The following TUFM variants were observed in gnomAD, a reference collection of about 807,000 sequenced individuals.
TUFM encodes Tu translation elongation factor, mitochondrial.
TUFM carries 23 observed loss-of-function variants against 45.0 expected under a neutral mutation model. That is an observed-to-expected ratio of 0.51 (90% confidence interval 0.37 to 0.72). The LOEUF is 0.72. Ranked by LOEUF, TUFM falls within the 30% of genes least tolerant of loss-of-function variation. The probability of loss-of-function intolerance (pLI) is 0.00; values close to 1 mark genes in which losing one functional copy is unlikely to be tolerated. For missense variants in TUFM, 490 were observed against 610.7 expected (o/e 0.80, Z 2.08); for synonymous variants, 243 against 252.9 (o/e 0.96, Z 0.37).
Position 28,844,174 on chromosome 16 carries a change from G to C in TUFM, c.922+56C>G. The C allele has an allele frequency of 6.2e-7, 1 of 1,613,360 alleles. No individual in the cohort carries two copies. Among genetic ancestry groups the C allele is most frequent in the Middle Eastern group, 1.7e-4 (1 of 6,060 alleles). On this transcript the variant is annotated intron_variant, in intron 7 of 9. Transcript: ENST00000313511. This position sits in a 1 kb window ranked among gnomAD's most constrained non-coding sequence, Gnocchi z 5.8. The stretch of plus-strand genomic sequence containing the variant: ...GACAGAGGGAAGGCACAAGGGATCT[G>C]CCGGGGTAAGGCCACCCTTCAGCCA...
chr16:28,843,094 T>A lies in TUFM; in HGVS notation c.1249A>T (p.Met417Leu), dbSNP rs143510655. 2 of 1,614,074 alleles carry A rather than the reference T, an allele frequency of 1.2e-6. No individual in the cohort carries two copies. Among genetic ancestry groups the A allele is most frequent in the Non-Finnish European group, 1.7e-6 (2 of 1,180,028 alleles). ...LKFNLILRQP[M>L]ILEKGQRFTL... ...AAACGCTGGCCTTTCTCTAAGATCA[T>A]TGGCTGCCGCAAGATTAGGTTGAAC... The change falls in exon 10 of 10, where the codon ATG becomes TTG. Residue 417 changes from methionine (M) to leucine (L), a missense_variant. Met to Leu is a conservative substitution (Grantham distance 15). Coordinates refer to ENST00000313511, the MANE Select transcript of TUFM (RefSeq NM_003321.5).
In TUFM at chr16:28,843,759, G is replaced by T; in HGVS notation, c.1171C>A (p.Arg391=). 6.2e-7 allele frequency: 1 copy of T among 1,613,282 alleles called. No homozygotes were observed. Among genetic ancestry groups the T allele is most frequent in the Non-Finnish European group, 8.5e-7 (1 of 1,179,962 alleles). ...ACCTTCTCTGGGGGCAGGATAATCC[G>T]ACAGGCCATGTCCCAAGTCAGGGAG... The part of the protein sequence containing the change: ...MFSLTWDMAC[R]IILPPEKELA... Residue 391 remains arginine, a synonymous_variant, in exon 9 of 10, where the codon CGG becomes AGG. Transcript: ENST00000313511.
chr16:28,844,157 G>A lies in TUFM; in HGVS notation c.923-56C>T, dbSNP rs149208129. 2.4e-5 allele frequency: 38 copies of A among 1,613,740 alleles called. No individual in the cohort carries two copies. The East Asian group carries it at 3.3e-4, about 14-fold the overall frequency. ...AAGGAAGGCGAATGTGAGACAGAGG[G>A]AAGGCACAAGGGATCTGCCGGGGTA... On this transcript the variant is annotated intron_variant, in intron 7 of 9. Coordinates refer to ENST00000313511, the MANE Select transcript of TUFM (RefSeq NM_003321.5). The surrounding 1 kb of genome is among the most constrained non-coding windows in gnomAD (Gnocchi z 5.8).
chr16:28,842,740 T>A lies in TUFM; in HGVS notation c.*235A>T. 1 of 574,144 alleles carries A rather than the reference T, an allele frequency of 1.7e-6. No individual in the cohort carries two copies. 35.6% of individuals were successfully genotyped at this position (574,144 alleles called of 1,614,324 possible). ...TGTCTGGGGTTCAACACCCTTTTTG[T>A]CCTCCCCTATCCTCTCCAATTTGCA... On this transcript the variant is annotated 3_prime_UTR_variant, in exon 10 of 10. Transcript: ENST00000313511.
chr16:28,843,855 C>T lies in TUFM; in HGVS notation c.1075G>A (p.Val359Ile). 6.2e-7 allele frequency: 1 copy of T among 1,614,108 alleles called. No individual in the cohort carries two copies. The highest frequency in any genetic ancestry group is 8.5e-7 in the Non-Finnish European group (1 of 1,180,032). Reference sequence around the variant, plus strand: ...CCTTCCTCCTTGCTGAGGATGTAAACCTGGAGGAGAGCAAGCAATGACGGT... The same window carrying T: ...CCTTCCTCCTTGCTGAGGATGTAAATCTGGAGGAGAGCAAGCAATGACGGT... ...IKPHQKVEAQVYILSKEEGGR... is the reference protein window; with the variant it reads ...IKPHQKVEAQIYILSKEEGGR... The change falls in exon 9 of 10, where the codon GTT becomes ATT. Residue 359 changes from valine (V) to isoleucine (I), a missense_variant and splice_region_variant. Transcript: ENST00000313511.
In TUFM at chr16:28,846,342, G is replaced by T; in HGVS notation, c.-73C>A. On this transcript the variant is annotated 5_prime_UTR_variant, in exon 1 of 10. Coordinates refer to ENST00000313511, the MANE Select transcript of TUFM (RefSeq NM_003321.5). ...CAGAAGAAGAAGGGCGCCTGCGGCT[G>T]GAAGGCACTTCCGGCGGAAGTTAGA... 2.0e-6 allele frequency: 3 copies of T among 1,507,560 alleles called. No homozygotes were observed. Among genetic ancestry groups the T allele is most frequent in the South Asian group, 2.4e-5 (2 of 82,494 alleles). 93.4% of individuals were successfully genotyped at this position (1,507,560 alleles called of 1,614,324 possible).
At position 28,845,510 on chromosome 16, in the gene TUFM, C is replaced by T. The variant is rs138704329; in HGVS notation, c.248-30G>A. 58 of 1,613,940 alleles carry T rather than the reference C, an allele frequency of 3.6e-5. 1 individual carries two copies. The African/African-American group carries it at 6.8e-4, about 19-fold the overall frequency. On this transcript the variant is annotated intron_variant, in intron 2 of 9. Transcript: ENST00000313511. ...AGGAGGAAAAGAACACACCTCTCAG[C>T]TAAAGTTCCAGTGCTAGAGGCAGAG...
chr16:28,845,879 T>C (rs780935444), intron 2 of TUFM, 33 bp downstream of exon 2: 147 of 1,610,978 alleles, frequency 9.1e-5, no homozygotes, highest in Non-Finnish European at 1.1e-4. Flanking sequence ...CATCAGTAGA[T>C]AGGGCGCTGC....
In TUFM at chr16:28,845,422, C is replaced by T. The variant is rs964518100; in HGVS notation, c.306G>A (p.Pro102=). 8.1e-6 allele frequency: 13 copies of T among 1,614,142 alleles called. No individual in the cohort carries two copies. The highest frequency in any genetic ancestry group is 1.7e-5 in the Admixed American group (1 of 60,004). The change falls in exon 3 of 10, where the codon CCG becomes CCA. Residue 102 remains proline (P), a synonymous_variant. Coordinates refer to ENST00000313511, the MANE Select transcript of TUFM (RefSeq NM_003321.5). ...FKKYEEIDNA[P]EERARGITIN... ...TGGTGATACCCCGAGCTCGCTCCTCCGGGGCATTGTCAATCTCCTCGTACT... is the reference window on the plus strand; with the variant it reads ...TGGTGATACCCCGAGCTCGCTCCTCTGGGGCATTGTCAATCTCCTCGTACT...
chr16:28,845,020 G>A lies in TUFM; in HGVS notation c.450C>T (p.Cys150=), dbSNP rs1961900305. ...MITGTAPLDG[C]ILVVAANDGP... ...CGTCATTGGCTGCTACCACCAGGATGCAGCCGTCGAGGGGTGCAGTGCCTG... is the reference window on the plus strand; with the variant it reads ...CGTCATTGGCTGCTACCACCAGGATACAGCCGTCGAGGGGTGCAGTGCCTG... The change falls in exon 4 of 10, where the codon TGC becomes TGT. Residue 150 remains cysteine, a synonymous_variant. Coordinates refer to ENST00000313511, the MANE Select transcript of TUFM (RefSeq NM_003321.5). 1.9e-6 allele frequency: 3 copies of A among 1,614,086 alleles called. No individual in the cohort carries two copies. Among genetic ancestry groups the A allele is most frequent in the Non-Finnish European group, 2.5e-6 (3 of 1,180,044 alleles).
rs1381636128 is a variant in TUFM at position 28,844,856 on chromosome 16, C to T, written c.526G>A (p.Val176Met). 6.2e-7 allele frequency: 1 copy of T among 1,614,078 alleles called. No individual in the cohort carries two copies. Among genetic ancestry groups the T allele is most frequent in the African/African-American group, 1.3e-5 (1 of 74,924 alleles). ...EHLLLARQIG[V>M]EHVVVYVNKA... ...TTCACATACACCACCACATGCTCCA[C>T]CCCAATCTGTAGATGCCAGAGAGAC... The change falls in exon 5 of 10, where the codon GTG (valine) becomes ATG (methionine). Residue 176 changes from valine (V) to methionine (M), a missense_variant. By Grantham distance (21) the Val-to-Met change is conservative. Coordinates refer to ENST00000313511, the MANE Select transcript of TUFM (RefSeq NM_003321.5). This position sits in a 1 kb window ranked among gnomAD's most constrained non-coding sequence, Gnocchi z 5.8.
chr16:28,844,665 T>G lies in TUFM; in HGVS notation c.684+33A>C. 6.2e-7 allele frequency: 1 copy of G among 1,614,114 alleles called. No individual in the cohort carries two copies. The highest frequency in any genetic ancestry group is 8.5e-7 in the Non-Finnish European group (1 of 1,180,028). On this transcript the variant is annotated intron_variant, in intron 5 of 9. Transcript: ENST00000313511. This position sits in a 1 kb window ranked among gnomAD's most constrained non-coding sequence, Gnocchi z 5.8. ...TGGGTGCCCATCCAGCCCCACCCTC[T>G]GCAGCAGCTGCCCTGCCTGACCCCG...
chr16:28,845,571 C>T (rs948682262), intron 2 of TUFM, 91 bp from the exon 3 acceptor site: 3 of 1,464,386 alleles, frequency 2.0e-6, no homozygotes, highest in Non-Finnish European at 2.9e-6. Flanking sequence ...CACCTAAATA[C>T]ATAACCTCCT....
Position 28,844,396 on chromosome 16 carries a change from G to A in TUFM, c.817+23C>T, listed in dbSNP as rs773133857. 72 of 1,614,024 alleles carry A rather than the reference G, an allele frequency of 4.5e-5. No homozygotes were observed. Among genetic ancestry groups the A allele is most frequent in the South Asian group, 2.5e-4 (23 of 91,082 alleles). ...GCTAGGCTTCTGCTAGAGAGAGTGC[G>A]TGGGAACAGACAGAGTCCTCACCAG... is the stretch of plus-strand genomic sequence containing the variant. On this transcript the variant is annotated intron_variant, in intron 6 of 9. Transcript: ENST00000313511. This position sits in a 1 kb window ranked among gnomAD's most constrained non-coding sequence, Gnocchi z 5.8.
chr16:28,843,169 T>C (rs1370494302), intron 9 of TUFM, 21 bp from the exon 10 acceptor site: 3 of 1,614,080 alleles, frequency 1.9e-6, no homozygotes, highest in Non-Finnish European at 1.7e-6. Context: ...AAGAGAAGGA[T>C]CATGCGTGGC....
rs778282815 is a variant in TUFM, at chr16:28,845,335, C to G, written c.393G>C (p.Pro131=). 7 of 1,614,014 alleles carry G rather than the reference C, an allele frequency of 4.3e-6. No individual in the cohort carries two copies. The African/African-American group carries it at 8.0e-5, about 18-fold the overall frequency. ...TCACCTTAACATAATCTGCATGACCCGGGCAGTCTGTGTGGGCGTAGTGGC... is the reference window on the plus strand; with the variant it reads ...TCACCTTAACATAATCTGCATGACCGGGGCAGTCTGTGTGGGCGTAGTGGC... ...AARHYAHTDC[P]GHADYVKNMI... Residue 131 remains proline (P), a synonymous_variant, in exon 3 of 10, where the codon CCG becomes CCC. Transcript: ENST00000313511.
rs1961890988 is a variant in TUFM, at chr16:28,844,787, C to G, written c.595G>C (p.Glu199Gln). Residue 199 changes from glutamate (E) to glutamine (Q), a missense_variant, in exon 5 of 10, where the codon GAA becomes CAA. Coordinates refer to ENST00000313511, the MANE Select transcript of TUFM (RefSeq NM_003321.5). This position sits in a 1 kb window ranked among gnomAD's most constrained non-coding sequence, Gnocchi z 5.8. ...VQDSEMVELV[E>Q]LEIRELLTEF... ...GTGAGCAGCTCCCGGATCTCCAGTT[C>G]CACCAGTTCCACCATCTCAGAGTCC... 1.9e-6 allele frequency: 3 copies of G among 1,614,056 alleles called. No homozygotes were observed. The highest frequency in any genetic ancestry group is 8.5e-7 in the Non-Finnish European group (1 of 1,180,038).
At chr16:28,843,250 C>CA in intron 9 of TUFM, 102 bp from the exon 10 acceptor site, 1 of 1,256,624 alleles carries the variant, frequency 8.0e-7, no homozygotes, top group Non-Finnish European at 1.1e-6. Context: ...GAGAATGCAG[C>CA]AGGGGAATGG....
Position 28,846,207 on chromosome 16 carries a change from T to C in TUFM, c.52+11A>G, listed in dbSNP as rs1406744335. On this transcript the variant is annotated intron_variant, in intron 1 of 9. Transcript: ENST00000313511. ...GTTCCTGGGCCGCCATCGCCCTCCC[T>C]GACCACTCACCGCTGAAGTGGGGCG... is the stretch of plus-strand genomic sequence containing the variant. 1 of 1,581,308 alleles carries C rather than the reference T, an allele frequency of 6.3e-7. No homozygotes were observed. Among genetic ancestry groups the C allele is most frequent in the Admixed American group, 1.8e-5 (1 of 54,270 alleles).
Sources: gnomAD v4.1 joint callset for allele counts on GRCh38, gnomAD v4.1.1 for gene constraint, Gnocchi (gnomAD v3.1) non-coding constraint, MANE v1.5 for transcripts, NCBI Gene and HGNC (gene_info 2026-07-23, HGNC 2026-07-21) for gene names.